Variants in KSR2 observed in about 807,000 individuals in gnomAD.
The protein encoded by KSR2 is kinase suppressor of ras 2.
A neutral mutation model predicts 107.8 loss-of-function variants in KSR2; 25 were observed. The observed-to-expected ratio is 0.23, with a 90% CI of 0.17 to 0.32. The LOEUF (loss-of-function observed/expected upper bound fraction) is 0.32. Ranked by LOEUF, KSR2 falls within the 10% of genes least tolerant of loss-of-function variation. The pLI is 1.00. For missense variants in KSR2, 887 were observed against 1,268.9 expected, an observed-to-expected ratio of 0.70 and a Z score of 4.57; for synonymous variants, 480 against 507.0, an observed-to-expected ratio of 0.95 and a Z score of 0.71.
intron 5 of KSR2, among the ~76,000 whole-genome samples, chr12:117,613,010 A>C (rs1018390595): frequency 6.6e-6 from 1 of 152,234 alleles, no homozygotes; most frequent in African/African-American, 2.4e-5. Flanking sequence ...AGTCAATTAA[A>C]CCTCTTTTCT....
chr12:117,671,321 T>C (rs549102767), intron 4 of KSR2, among the ~76,000 whole-genome samples: 1 of 152,274 alleles, frequency 6.6e-6, no homozygotes, highest in Admixed American at 6.5e-5. Flanking sequence ...TCTCTCTCGA[T>C]TGATTGATCA....
Position 117,793,784 on chromosome 12 carries a change from C to T in KSR2, c.473-32260G>A, listed in dbSNP as rs1423009123. 2.8e-5 allele frequency among the ~76,000 whole-genome samples: 4 copies of T among 142,728 alleles called. No individual in the cohort carries two copies. The South Asian group carries it at 6.9e-4, about 25-fold the overall frequency. The allele number at this position is 142,728 out of a possible 152,430, so 93.6% of individuals were successfully genotyped here. On this transcript the variant is annotated intron_variant, in intron 3 of 19. Transcript: ENST00000339824. ...CATGCACACATGCAACATGCACACA[C>T]CAACATGCACACATGCAACATGCAC...
intron 4 of KSR2, chr12:117,674,148 C>T (rs1411069607): frequency 1.5e-5 from 6 of 397,202 alleles, no homozygotes; most frequent in Admixed American, 3.0e-5. Context: ...ACTCTTCCCA[C>T]TTTTCTGATG....
At chr12:117,804,552 T>A (rs1193652494) in intron 3 of KSR2, among the ~76,000 whole-genome samples, 1 of 152,198 alleles carries the variant, frequency 6.6e-6, no homozygotes, top group Non-Finnish European at 1.5e-5. Context: ...CGAACAATAA[T>A]TACTACTGTT....
intron 3 of KSR2, among the ~76,000 whole-genome samples, chr12:117,784,847 C>T (rs757515081): frequency 6.6e-6 from 1 of 152,122 alleles, no homozygotes; most frequent in Non-Finnish European, 1.5e-5. Flanking sequence ...TGAAATGCTG[C>T]CCACACTTGG....
chr12:117,730,126 G>A (rs1041236877), intron 4 of KSR2, among the ~76,000 whole-genome samples: 6 of 152,118 alleles, frequency 3.9e-5, no homozygotes, highest in South Asian at 4.1e-4. Context: ...GAATAGGTGC[G>A]GCTATGTTCT....
In KSR2 at chr12:117,968,073, T is replaced by C. The variant is rs770974976; in HGVS notation, c.180+3A>G. 6 of 706,040 alleles carry C rather than the reference T, an allele frequency of 8.5e-6. No homozygotes were observed. Among genetic ancestry groups the C allele is most frequent in the South Asian group, 7.5e-5 (5 of 66,924 alleles). 43.7% of individuals were successfully genotyped at this position (706,040 alleles called of 1,614,324 possible). A position where few individuals can be genotyped will look rare whatever the true frequency, so the allele number is the denominator to read the frequency against. ...TTTTTTTTTTCCCGTAGGCAACACC[T>C]ACCTCCAGGGTCCGGATTTCTTTTT... On this transcript the variant is annotated splice_donor_region_variant and intron_variant, in intron 1 of 19. Transcript: ENST00000339824.
intron 1 of KSR2, among the ~76,000 whole-genome samples, chr12:117,862,906 T>C (rs1893357780): frequency 6.6e-6 from 1 of 151,926 alleles, no homozygotes; most frequent in Admixed American, 6.6e-5. Context: ...ATTTTCTGCA[T>C]TTTTAGTAGA....
At chr12:117,530,886 T>C (rs1244557873) in intron 12 of KSR2, 55 bp downstream of exon 12, 274 of 1,480,650 alleles carry the variant, frequency 1.9e-4, no homozygotes, top group Non-Finnish European at 3.4e-5. Flanking sequence ...GAGTGGATTG[T>C]AGGGCCAGGG....
intron 1 of KSR2, among the ~76,000 whole-genome samples, chr12:117,952,515 CA>C (rs1395359714): frequency 1.3e-5 from 2 of 151,290 alleles, no homozygotes; most frequent in Non-Finnish European, 2.9e-5. Flanking sequence ...AATATTTTTA[CA>C]AACACAAAAA....
intron 1 of KSR2, among the ~76,000 whole-genome samples, chr12:117,928,871 C>T (rs1360725264): frequency 1.9e-5 from 2 of 103,642 alleles, no homozygotes; most frequent in Non-Finnish European, 4.4e-5. Flanking sequence ...AGATTGGCTA[C>T]GACATCATGC....
At chr12:117,474,105 G>A (rs1049611068) in intron 17 of KSR2, among the ~76,000 whole-genome samples, 3 of 152,158 alleles carry the variant, frequency 2.0e-5, no homozygotes, top group Non-Finnish European at 2.9e-5. Flanking sequence ...ATTCAGCAGT[G>A]TCAGAAATAA....
At chr12:117,589,063 A>G (rs1470821337) in intron 5 of KSR2, among the ~76,000 whole-genome samples, 2 of 152,228 alleles carry the variant, frequency 1.3e-5, no homozygotes, top group African/African-American at 4.8e-5. Context: ...ACCAAATATC[A>G]TGAACTCTAG....
chr12:117,761,017 G>A lies in KSR2; in HGVS notation c.980C>T (p.Thr327Met), dbSNP rs765576718. 29 of 1,613,454 alleles carry A rather than the reference G, an allele frequency of 1.8e-5. No individual in the cohort carries two copies. The Admixed American group carries it at 1.8e-4, about 10-fold the overall frequency. The change falls in exon 4 of 20, where the codon ACG becomes ATG. Residue 327 changes from threonine to methionine, a missense_variant. Thr to Met is a moderately conservative substitution (Grantham distance 81, BLOSUM62 -1). Transcript: ENST00000339824. ...QLGHRVDEAH[T>M]PKAKKKSKPL... ...ACCCACCGATCGCACTCACTTGGGC[G>A]TGTGGGCCTCGTCCACGCGGTGCCC... is the stretch of plus-strand genomic sequence containing the variant.
intron 4 of KSR2, among the ~76,000 whole-genome samples, chr12:117,705,106 A>G (rs908866522): frequency 1.3e-5 from 2 of 152,142 alleles, no homozygotes; most frequent in African/African-American, 4.8e-5. Context: ...CTTAGAGTCC[A>G]TCCTATAAAG....
At chr12:117,820,332 C>T (rs537999213) in intron 3 of KSR2, among the ~76,000 whole-genome samples, 218 of 152,236 alleles carry the variant, frequency 1.4e-3, no homozygotes, top group Non-Finnish European at 2.6e-3. Flanking sequence ...TTCTGCCTAA[C>T]GCAGATGCTG....
intron 1 of KSR2, among the ~76,000 whole-genome samples, chr12:117,911,307 C>T (rs752042145): frequency 6.6e-5 from 10 of 152,040 alleles, no homozygotes; most frequent in Non-Finnish European, 1.3e-4. Flanking sequence ...ACATCCGAGC[C>T]AAATACTTAG....
chr12:117,645,719 T>C (rs1018899219), intron 5 of KSR2, among the ~76,000 whole-genome samples: 2 of 152,168 alleles, frequency 1.3e-5, no homozygotes, highest in East Asian at 3.9e-4. Flanking sequence ...AACGCCTTAG[T>C]TTCTCATGAG....
chr12:117,496,659 C>T (rs1446451906), intron 14 of KSR2, among the ~76,000 whole-genome samples: 1 of 152,056 alleles, frequency 6.6e-6, no homozygotes, highest in African/African-American at 2.4e-5. Context: ...GAATCCCTAG[C>T]CCCAGGTAAG....
Sources: allele counts gnomAD v4.1 joint callset (sites outside exome capture counted in the v4.1 genomes callset), GRCh38; gene constraint gnomAD v4.1.1; transcripts MANE v1.5; gene names NCBI Gene and HGNC (gene_info 2026-07-23, HGNC 2026-07-21).